The following MERTK variants were observed in gnomAD, a reference collection of about 807,000 sequenced individuals.
The protein encoded by MERTK is MER proto-oncogene, tyrosine kinase.
Under a neutral mutation model 99.3 loss-of-function variants are expected in MERTK, and 69 were observed. That is an observed-to-expected ratio of 0.70 (90% CI 0.57 to 0.85). The LOEUF (loss-of-function observed/expected upper bound fraction) is 0.85. Among genes scored for constraint, MERTK ranks in the 40% least tolerant of loss-of-function variants. The pLI, the probability that MERTK is intolerant of heterozygous loss-of-function variation, is 0.00. For missense variants in MERTK, 1,125 were observed against 1,249.4 expected, an observed-to-expected ratio of 0.90 and a Z score of 1.50; for synonymous variants, 426 against 467.6, an observed-to-expected ratio of 0.91 and a Z score of 1.15.
At chr2:111,941,766 A>AT (rs576799098) in intron 2 of MERTK, among the ~76,000 whole-genome samples, 77 of 152,342 alleles carry the variant, frequency 5.1e-4, no homozygotes, top group African/African-American at 1.8e-3. Context: ...TTGCTAATTA[A>AT]TGCAGGTGCC....
At chr2:111,900,442 G>A (rs958212431) in intron 1 of MERTK, among the ~76,000 whole-genome samples, 1 of 152,168 alleles carries the variant, frequency 6.6e-6, no homozygotes, top group African/African-American at 2.4e-5. Context: ...CTGCAAATCT[G>A]TTATTTGTTG....
At chr2:111,919,491 G>T (rs969114252) in intron 1 of MERTK, among the ~76,000 whole-genome samples, 5 of 152,150 alleles carry the variant, frequency 3.3e-5, no homozygotes, top group African/African-American at 1.2e-4. Context: ...AGCATAGTGG[G>T]AGAGTTGGAA....
chr2:111,945,158 A>G lies in MERTK; in HGVS notation c.583+98A>G. ...TAATACTCTAGAGTTTTGCCTGCCTATTTATAACTCTGTATGCAAACCTTG... is the reference window on the plus strand; with the variant it reads ...TAATACTCTAGAGTTTTGCCTGCCTGTTTATAACTCTGTATGCAAACCTTG... On this transcript the variant is annotated intron_variant, in intron 3 of 18. Transcript: ENST00000295408. 1.3e-5 allele frequency: 12 copies of G among 934,014 alleles called. No homozygotes were observed. In the East Asian group the frequency reaches 3.2e-4, roughly 25 times the overall value. The allele number at this position is 934,014 out of a possible 1,614,324, so 57.9% of individuals were successfully genotyped here.
chr2:111,900,427 A>G (rs533428594), intron 1 of MERTK, among the ~76,000 whole-genome samples: 1 of 152,306 alleles, frequency 6.6e-6, no homozygotes, highest in East Asian at 1.9e-4. Flanking sequence ...ATTTTTCATA[A>G]TCTGCTGCAA....
At chr2:111,899,250 C>T (rs1448702314) in intron 1 of MERTK, among the ~76,000 whole-genome samples, 1 of 152,160 alleles carries the variant, frequency 6.6e-6, no homozygotes, top group Non-Finnish European at 1.5e-5. Context: ...CCCGAGGGAC[C>T]GGCGCGGGGC....
At chr2:111,946,793 A>G (rs2104704042) in intron 3 of MERTK, among the ~76,000 whole-genome samples, 1 of 152,324 alleles carries the variant, frequency 6.6e-6, no homozygotes, top group Admixed American at 6.5e-5. Context: ...CTGATGTAAG[A>G]ACTGCCTGTG....
chr2:111,911,801 A>T (rs927607562), intron 1 of MERTK, among the ~76,000 whole-genome samples: 3 of 132,808 alleles, frequency 2.3e-5, no homozygotes, highest in East Asian at 2.3e-4. Context: ...TGATCCTCCC[A>T]CCTCAGCCTG....
intron 2 of MERTK, chr2:111,930,313 A>C (rs1253578392): frequency 1.3e-5 from 2 of 152,686 alleles, no homozygotes; most frequent in African/African-American, 4.8e-5. Flanking sequence ...CACTACCACC[A>C]AAAGCAGGGG....
intron 1 of MERTK, among the ~76,000 whole-genome samples, chr2:111,912,691 G>A (rs1684274266): frequency 6.6e-6 from 1 of 152,138 alleles, no homozygotes; most frequent in Non-Finnish European, 1.5e-5. Context: ...ATACTCCTCA[G>A]GGCAGGTTGC....
At chr2:111,918,595 A>G (rs1684397893) in intron 1 of MERTK, among the ~76,000 whole-genome samples, 1 of 152,274 alleles carries the variant, frequency 6.6e-6, no homozygotes, top group African/African-American at 2.4e-5. Context: ...ACCTTTGGTT[A>G]AGTAAACATG....
chr2:111,929,230 G>A lies in MERTK; in HGVS notation c.172G>A (p.Gly58Arg), dbSNP rs1423887739. Residue 58 changes from glycine to arginine, a missense_variant, in exon 2 of 19, where the codon GGG (glycine) becomes AGG (arginine). Physicochemically the swap from Gly to Arg is moderately radical, Grantham distance 125. Transcript: ENST00000295408. ...GCTGTTATCCCTTCCTCACGCCAGT[G>A]GGTACCAGCCTGCCTTGATGTTTTC... Reference protein sequence around the residue: ...TPLLSLPHASGYQPALMFSPT... With the variant: ...TPLLSLPHASRYQPALMFSPT... The A allele has an allele frequency of 6.2e-7, 1 of 1,614,158 alleles. No homozygotes were observed. Among genetic ancestry groups the A allele is most frequent in the South Asian group, 1.1e-5 (1 of 91,068 alleles).
At chr2:112,016,162 A>C (rs960034735) in intron 15 of MERTK, among the ~76,000 whole-genome samples, 1 of 152,192 alleles carries the variant, frequency 6.6e-6, no homozygotes, top group Non-Finnish European at 1.5e-5. Context: ...CCTTCCACTG[A>C]AACTTTAGAA....
At chr2:111,922,718 A>C (rs1684487914) in intron 1 of MERTK, among the ~76,000 whole-genome samples, 1 of 152,166 alleles carries the variant, frequency 6.6e-6, no homozygotes, top group Non-Finnish European at 1.5e-5. Context: ...GAAGTTATAG[A>C]GCTTTCCTGA....
chr2:111,958,633 G>A (rs1685190537), intron 4 of MERTK, among the ~76,000 whole-genome samples: 2 of 152,250 alleles, frequency 1.3e-5, no homozygotes, highest in South Asian at 4.1e-4. Flanking sequence ...TAGGTGTCTT[G>A]TGCTAGGACA....
chr2:111,977,088 A>G (rs1676269221), intron 7 of MERTK, among the ~76,000 whole-genome samples: 1 of 152,180 alleles, frequency 6.6e-6, no homozygotes, highest in Non-Finnish European at 1.5e-5. Flanking sequence ...ACACATGTTT[A>G]TGCATTATAG....
chr2:112,018,815 C>A (rs765258522), intron 15 of MERTK, among the ~76,000 whole-genome samples: 1 of 152,178 alleles, frequency 6.6e-6, no homozygotes, highest in Non-Finnish European at 1.5e-5. Context: ...GCAGGGCCTA[C>A]GGGAGCAAAA....
chr2:111,916,730 G>A (rs570030068), intron 1 of MERTK, among the ~76,000 whole-genome samples: 1 of 152,174 alleles, frequency 6.6e-6, no homozygotes, highest in South Asian at 2.1e-4. Context: ...CATTCTGCTT[G>A]AGATCAGTTT....
intron 8 of MERTK, among the ~76,000 whole-genome samples, chr2:111,988,907 C>T (rs1319697268): frequency 6.6e-6 from 1 of 152,198 alleles, no homozygotes; most frequent in African/African-American, 2.4e-5. Context: ...CAAGATGGCG[C>T]CACTGCACTC....
chr2:112,023,884 TAC>T (rs573914265), intron 18 of MERTK, among the ~76,000 whole-genome samples: 6 of 150,024 alleles, frequency 4.0e-5, no homozygotes, highest in Non-Finnish European at 7.4e-5. Flanking sequence ...GCACCCTCCC[TAC>T]ACACACACAC....
Sources: allele counts gnomAD v4.1 joint callset (sites outside exome capture counted in the v4.1 genomes callset), GRCh38; gene constraint gnomAD v4.1.1; transcripts MANE v1.5; gene names NCBI Gene and HGNC (gene_info 2026-07-23, HGNC 2026-07-21).